Variants in RERE observed in about 807,000 individuals in gnomAD.
RERE encodes the protein arginine-glutamic acid dipeptide repeats protein.
In RERE, 40 loss-of-function variants were observed where a neutral mutation model predicts 146.1. The ratio of observed to expected loss-of-function variants is 0.27; its 90% CI spans 0.21 to 0.36. The LOEUF (loss-of-function observed/expected upper bound fraction) is 0.36, where lower values mean the gene tolerates loss of function less well. RERE is among the 10% of genes least tolerant of loss of function. The pLI is 1.00. For missense variants in RERE, 1,933 were observed against 2,138.7 expected (o/e 0.90, Z 1.90); for synonymous variants, 1,003 against 866.0 (o/e 1.16, Z -2.78).
At chr1:8,694,596 T>C (rs1175765738) in intron 1 of RERE, among the ~76,000 whole-genome samples, 1 of 151,736 alleles carries the variant, frequency 6.6e-6, no homozygotes, top group Non-Finnish European at 1.5e-5. Flanking sequence ...CCATCTCTAC[T>C]AAAAATACAA....
chr1:8,701,133 A>T (rs1348304824), intron 1 of RERE, among the ~76,000 whole-genome samples: 3 of 152,216 alleles, frequency 2.0e-5, no homozygotes, highest in Non-Finnish European at 4.4e-5. Context: ...GCACTAGTTA[A>T]AATGAAAAGC....
chr1:8,365,492 TG>T (rs1641769951), intron 13 of RERE, among the ~76,000 whole-genome samples: 1 of 152,200 alleles, frequency 6.6e-6, no homozygotes, highest in South Asian at 2.1e-4. Context: ...ATCTGTCAAA[TG>T]GAAAACCTTC....
chr1:8,803,744 T>TA (rs1470015048), intron 1 of RERE, among the ~76,000 whole-genome samples: 2 of 151,726 alleles, frequency 1.3e-5, no homozygotes, highest in African/African-American at 4.8e-5. Context: ...TTTTTTTTTT[T>TA]AGAGACTGGG....
intron 8 of RERE, among the ~76,000 whole-genome samples, chr1:8,507,405 A>G (rs1455174664): frequency 6.6e-6 from 1 of 152,198 alleles, no homozygotes; most frequent in Non-Finnish European, 1.5e-5. Context: ...CTCCTGAAGG[A>G]AAAGAAGTTG....
intron 4 of RERE, among the ~76,000 whole-genome samples, chr1:8,578,790 A>G (rs1464893067): frequency 1.3e-5 from 2 of 152,234 alleles, no homozygotes; most frequent in Admixed American, 6.5e-5. Flanking sequence ...AAGACAAGAC[A>G]TGCTGTAAAG....
rs1317167522 is a variant in RERE, at chr1:8,669,556, C to T, written c.-144-13115G>A. Among the ~76,000 whole-genome samples, 6 of 152,112 alleles carry T rather than the reference C, an allele frequency of 3.9e-5. No homozygotes were observed. The East Asian group carries it at 1.2e-3, about 29-fold the overall frequency. ...AGCCAAACAAAGGTGCATCTGGCTA[C>T]GAAATTCACAAGGATGAGCTTTACC... On this transcript the variant is annotated intron_variant, in intron 1 of 22. Transcript: ENST00000400908.
intron 1 of RERE, among the ~76,000 whole-genome samples, chr1:8,726,456 C>G (rs1173397131): frequency 6.6e-6 from 1 of 151,932 alleles, no homozygotes; most frequent in Non-Finnish European, 1.5e-5. Context: ...CCCGGCCAGG[C>G]AATTCCAGTT....
intron 11 of RERE, among the ~76,000 whole-genome samples, chr1:8,450,242 A>G (rs1046274731): frequency 8.6e-5 from 13 of 151,924 alleles, no homozygotes; most frequent in Non-Finnish European, 1.9e-4. Flanking sequence ...ACAAAACTCT[A>G]TCTTCTCGTA....
chr1:8,375,471 G>GT (rs1392390162), intron 12 of RERE, among the ~76,000 whole-genome samples: 1 of 152,234 alleles, frequency 6.6e-6, no homozygotes, highest in Non-Finnish European at 1.5e-5. Context: ...TGCTCTGAAG[G>GT]TGAGTATCAT....
chr1:8,650,426 A>C (rs1247218778), intron 2 of RERE, among the ~76,000 whole-genome samples: 1 of 152,206 alleles, frequency 6.6e-6, no homozygotes, highest in East Asian at 1.9e-4. Flanking sequence ...TATTTGAAAA[A>C]TCTTAATTTG....
intron 4 of RERE, among the ~76,000 whole-genome samples, chr1:8,582,430 G>GGGT (rs1398265932): frequency 3.3e-4 from 48 of 147,456 alleles, no homozygotes; most frequent in African/African-American, 8.3e-4. Flanking sequence ...TTTTTTTTTG[G>GGGT]GGGGTAGAGA....
At chr1:8,741,115 A>G (rs900448557) in intron 1 of RERE, among the ~76,000 whole-genome samples, 1 of 152,202 alleles carries the variant, frequency 6.6e-6, no homozygotes, top group African/African-American at 2.4e-5. Context: ...ACCACATACA[A>G]TGTAACTAAG....
intron 11 of RERE, among the ~76,000 whole-genome samples, chr1:8,453,324 C>T (rs1644410686): frequency 6.6e-6 from 1 of 152,182 alleles, no homozygotes; most frequent in Non-Finnish European, 1.5e-5. Flanking sequence ...ATCCAGAGCC[C>T]ACCCCACTCT....
chr1:8,786,123 C>CA (rs1553149319), intron 1 of RERE: 5 of 458,618 alleles, frequency 1.1e-5, no homozygotes, highest in Non-Finnish European at 2.0e-5. Context: ...GTCTAACTTT[C>CA]TTTTTTTTCA....
intron 2 of RERE, among the ~76,000 whole-genome samples, chr1:8,654,114 ACT>A (rs1426722871): frequency 6.6e-6 from 1 of 151,474 alleles, no homozygotes; most frequent in Non-Finnish European, 1.5e-5. Context: ...AACGGGGCTT[ACT>A]GCAGCCTTGC....
At chr1:8,575,561 A>ATATTTT (rs1337650659) in intron 4 of RERE, among the ~76,000 whole-genome samples, 9 of 98,680 alleles carry the variant, frequency 9.1e-5, no homozygotes, top group Admixed American at 8.5e-4. Flanking sequence ...ATATATATAT[A>ATATTTT]TTTTTTTTTT....
intron 1 of RERE, among the ~76,000 whole-genome samples, chr1:8,772,477 CAAG>C (rs1346262949): frequency 6.6e-6 from 1 of 151,898 alleles, no homozygotes; most frequent in Non-Finnish European, 1.5e-5. Flanking sequence ...TCAGTGTTTC[CAAG>C]AAGAAGAAAT....
chr1:8,555,294 C>A (rs1645993895), intron 6 of RERE, among the ~76,000 whole-genome samples: 1 of 152,216 alleles, frequency 6.6e-6, no homozygotes, highest in South Asian at 2.1e-4. Flanking sequence ...TCAAGTTTTA[C>A]TGCAGCCCAG....
At chr1:8,725,891 C>T (rs1225730083) in intron 1 of RERE, among the ~76,000 whole-genome samples, 1 of 151,932 alleles carries the variant, frequency 6.6e-6, no homozygotes, top group Non-Finnish European at 1.5e-5. Context: ...TTAACACAGA[C>T]ATTCACAAAT....
Sources: allele counts gnomAD v4.1 joint callset (sites outside exome capture counted in the v4.1 genomes callset), GRCh38; gene constraint gnomAD v4.1.1; transcripts MANE v1.5; gene names NCBI Gene and HGNC (gene_info 2026-07-23, HGNC 2026-07-21).